The following GHR variants were observed in gnomAD, a reference collection of about 807,000 sequenced individuals.
The protein encoded by GHR is growth hormone receptor.
Under a neutral mutation model 67.1 loss-of-function variants are expected in GHR, and 35 were observed. The ratio of observed to expected loss-of-function variants is 0.52; its 90% CI spans 0.40 to 0.69. The LOEUF (loss-of-function observed/expected upper bound fraction) is 0.69, where lower values mean the gene tolerates loss of function less well. Ranked by LOEUF, GHR falls within the 30% of genes least tolerant of loss-of-function variation. The pLI, the probability that GHR is intolerant of heterozygous loss-of-function variation, is 0.00. For missense variants in GHR, 792 were observed against 764.6 expected (o/e 1.04, Z -0.42); for synonymous variants, 272 against 269.1 (o/e 1.01, Z -0.10).
At chr5:42,701,805 G>GT (rs1757943384) in intron 6 of GHR, among the ~76,000 whole-genome samples, 1 of 152,016 alleles carries the variant, frequency 6.6e-6, no homozygotes, top group African/African-American at 2.4e-5. Flanking sequence ...GTAATAAAAT[G>GT]TATGAACATT....
intron 4 of GHR, among the ~76,000 whole-genome samples, chr5:42,689,969 A>G (rs927910726): frequency 1.3e-5 from 2 of 152,186 alleles, no homozygotes; most frequent in African/African-American, 4.8e-5. Flanking sequence ...TATAGGTACC[A>G]TCCAAGTTGT....
chr5:42,450,024 T>G (rs1329480533), intron 1 of GHR, among the ~76,000 whole-genome samples: 1 of 152,178 alleles, frequency 6.6e-6, no homozygotes, highest in Non-Finnish European at 1.5e-5. Context: ...TTATCTTTTT[T>G]GAAATGCTGC....
intron 2 of GHR, among the ~76,000 whole-genome samples, chr5:42,623,269 G>A (rs1000779751): frequency 6.6e-6 from 1 of 152,108 alleles, no homozygotes; most frequent in Non-Finnish European, 1.5e-5. Flanking sequence ...TGAGTACAAG[G>A]TTGAGTGTAA....
chr5:42,435,174 C>A (rs1251661459), intron 1 of GHR, among the ~76,000 whole-genome samples: 2 of 152,070 alleles, frequency 1.3e-5, no homozygotes. Flanking sequence ...CCTCCTTTCC[C>A]CAAACAACGA....
intron 3 of GHR, among the ~76,000 whole-genome samples, chr5:42,648,967 T>G (rs1754883674): frequency 2.6e-5 from 4 of 152,208 alleles, no homozygotes; most frequent in Admixed American, 2.6e-4. Context: ...GATAGTCTTT[T>G]CTGTCTGATA....
intron 1 of GHR, among the ~76,000 whole-genome samples, chr5:42,479,202 T>C (rs922776379): frequency 3.1e-4 from 47 of 152,256 alleles, no homozygotes; most frequent in African/African-American, 9.2e-4. Context: ...GATTTGCATA[T>C]GTTGAACCAG....
rs766264097 is a variant in GHR at position 42,424,913 on chromosome 5, G to A, written c.-12+958G>A. 241 of 746,156 alleles carry A rather than the reference G, an allele frequency of 3.2e-4. No individual in the cohort carries two copies. The highest frequency in any genetic ancestry group is 3.8e-4 in the Non-Finnish European group (233 of 611,460). The allele number at this position is 746,156 out of a possible 1,614,324, so 46.2% of individuals were successfully genotyped here. On this transcript the variant is annotated intron_variant, in intron 1 of 9. Coordinates refer to ENST00000230882, the MANE Select transcript of GHR (RefSeq NM_000163.5). This position sits in a 1 kb window ranked among gnomAD's most constrained non-coding sequence, Gnocchi z 4.1. ...GTGTACGTGTGCGCTGTGTGTGCGC[G>A]CGCGAGTGTGCGCCTGGGGAGGCGT...
intron 2 of GHR, among the ~76,000 whole-genome samples, chr5:42,594,081 C>T (rs1204730680): frequency 1.3e-5 from 2 of 152,180 alleles, no homozygotes; most frequent in African/African-American, 4.8e-5. Flanking sequence ...ACCTTAATGG[C>T]TCTCCACGAA....
At chr5:42,556,739 A>G (rs867491557) in intron 1 of GHR, among the ~76,000 whole-genome samples, 1 of 152,198 alleles carries the variant, frequency 6.6e-6, no homozygotes, top group Admixed American at 6.5e-5. Context: ...TAGTGAGTTG[A>G]CAAACATCCA....
intron 1 of GHR, among the ~76,000 whole-genome samples, chr5:42,448,086 T>C (rs1450432708): frequency 6.6e-6 from 1 of 152,090 alleles, no homozygotes; most frequent in Non-Finnish European, 1.5e-5. Flanking sequence ...ATATAATGAC[T>C]TCTTTTCCTT....
Position 42,630,203 on chromosome 5 carries a change from G to A in GHR, c.136+1100G>A, listed in dbSNP as rs1392656776. Among the ~76,000 whole-genome samples the A allele has an allele frequency of 5.3e-5, 7 of 132,176 alleles. 2 individuals carry two copies. Among genetic ancestry groups the A allele is most frequent in the African/African-American group, 2.2e-4 (7 of 31,372 alleles). The allele number at this position is 132,176 out of a possible 152,430, so 86.7% of individuals were successfully genotyped here. On this transcript the variant is annotated intron_variant, in intron 3 of 9. Transcript: ENST00000230882. Reference sequence around the variant, plus strand: ...ACTGCATGAATGAATTAATTCTATTGAACTTTAAGGCAAAGCCTAAACTTT... The same window carrying A: ...ACTGCATGAATGAATTAATTCTATTAAACTTTAAGGCAAAGCCTAAACTTT...
rs183489953 is a variant in GHR, at chr5:42,565,633, G to C, written c.-11-231G>C. The C allele has an allele frequency of 6.1e-6, 6 of 984,684 alleles. No homozygotes were observed. The Admixed American group carries it at 3.7e-4, about 61-fold the overall frequency. 61.0% of individuals were successfully genotyped at this position (984,684 alleles called of 1,614,324 possible). On this transcript the variant is annotated intron_variant, in intron 1 of 9. Transcript: ENST00000230882. The stretch of plus-strand genomic sequence containing the variant: ...GGGTATGAACATCTCTAGTGTTCAT[G>C]TTATTTCCTGAGACTAGCACTCACG...
chr5:42,423,577 TC>T lies in GHR; in HGVS notation c.-389del, dbSNP rs1198603911. Among the ~76,000 whole-genome samples the T allele has an allele frequency of 6.6e-6, 1 of 152,026 alleles. No individual in the cohort carries two copies. The highest frequency in any genetic ancestry group is 6.5e-5 in the Admixed American group (1 of 15,274). Reference sequence around the variant, plus strand: ...GCCTCCTTGAACGTCCGCTTCGCCTTCGCTTCTGCAACCTGGATCTGGGGGA... The same window carrying T: ...GCCTCCTTGAACGTCCGCTTCGCCTTGCTTCTGCAACCTGGATCTGGGGGA... On this transcript the variant is annotated 5_prime_UTR_variant, in exon 1 of 10. The change abolishes the stop of an existing upstream ORF in the 5' untranslated region. Coordinates refer to ENST00000230882, the MANE Select transcript of GHR (RefSeq NM_000163.5).
chr5:42,691,140 A>T (rs1360134550), intron 4 of GHR, among the ~76,000 whole-genome samples: 1 of 152,126 alleles, frequency 6.6e-6, no homozygotes, highest in African/African-American at 2.4e-5. Context: ...CAAATCCAGG[A>T]TCTACACTAC....
chr5:42,522,223 T>C (rs1214706972), intron 1 of GHR, among the ~76,000 whole-genome samples: 3 of 152,190 alleles, frequency 2.0e-5, no homozygotes, highest in Non-Finnish European at 2.9e-5. Context: ...GGGTGGTATA[T>C]GTTGCCTGCC....
intron 2 of GHR, among the ~76,000 whole-genome samples, chr5:42,581,691 G>A (rs2112558800): frequency 6.6e-6 from 1 of 152,352 alleles, no homozygotes; most frequent in South Asian, 2.1e-4. Flanking sequence ...TGGAGCCGCT[G>A]CTGTGAAGAT....
chr5:42,700,190 C>A (rs913309020), intron 6 of GHR, among the ~76,000 whole-genome samples, 188 bp downstream of exon 6: 24 of 152,216 alleles, frequency 1.6e-4, no homozygotes, highest in African/African-American at 5.1e-4. Flanking sequence ...ACAGGAGATG[C>A]TTATGTATAT....
At chr5:42,491,110 A>G (rs1466237753) in intron 1 of GHR, among the ~76,000 whole-genome samples, 1 of 152,228 alleles carries the variant, frequency 6.6e-6, no homozygotes, top group African/African-American at 2.4e-5. Context: ...TAAATTAGGC[A>G]TGAGACTTCT....
At chr5:42,505,186 A>G (rs1027432765) in intron 1 of GHR, among the ~76,000 whole-genome samples, 1 of 130,020 alleles carries the variant, frequency 7.7e-6, no homozygotes, top group East Asian at 2.1e-4. Flanking sequence ...TAAATCTATT[A>G]TACTTTGAAC....
Sources: allele counts gnomAD v4.1 joint callset (sites outside exome capture counted in the v4.1 genomes callset), GRCh38; gene constraint gnomAD v4.1.1; non-coding constraint Gnocchi (gnomAD v3.1); transcripts MANE v1.5; gene names NCBI Gene and HGNC (gene_info 2026-07-23, HGNC 2026-07-21).